The following KCNIP1 variants were observed in gnomAD, a reference collection of about 807,000 sequenced individuals.
KCNIP1 encodes the protein A-type potassium channel modulatory protein KCNIP1.
KCNIP1 carries 18 observed loss-of-function variants against 33.0 expected under a neutral mutation model. That is an observed-to-expected ratio of 0.55 (90% CI 0.38 to 0.81). KCNIP1 has a LOEUF of 0.81. KCNIP1 is among the 30% of genes least tolerant of loss of function. The pLI is 0.00. For synonymous variants in KCNIP1, 93 were observed against 98.3 expected (o/e 0.95, Z 0.32); for missense variants, 238 against 271.6 (o/e 0.88, Z 0.87).
At chr5:170,705,775 T>A (rs956772113) in intron 1 of KCNIP1, among the ~76,000 whole-genome samples, 2 of 152,292 alleles carry the variant, frequency 1.3e-5, no homozygotes, top group African/African-American at 4.8e-5. Context: ...ATTAATTAAC[T>A]AGATCCATCA....
chr5:170,456,685 T>C (rs368002866), intron 1 of KCNIP1, among the ~76,000 whole-genome samples: 12 of 133,652 alleles, frequency 9.0e-5, no homozygotes, highest in Non-Finnish European at 1.3e-4. Flanking sequence ...CTTTCTTTCT[T>C]TCTCTCTCTC....
Position 170,504,296 on chromosome 5 carries a change from G to C in KCNIP1, c.-277G>C. On this transcript the variant is annotated 5_prime_UTR_variant, in exon 1 of 8. Transcript: ENST00000328939. This position sits in a 1 kb window ranked among gnomAD's most constrained non-coding sequence, Gnocchi z 6.0. ...GCTTCAGGGCACCGTCCTCGGCCCT[G>C]GGCGAGGGAACCGCCGGGCCGGGTC... 7.5e-7 allele frequency: 1 copy of C among 1,336,106 alleles called. No homozygotes were observed. The highest frequency in any genetic ancestry group is 1.5e-5 in the African/African-American group (1 of 65,746). 82.8% of individuals were successfully genotyped at this position (1,336,106 alleles called of 1,614,324 possible).
intron 1 of KCNIP1, among the ~76,000 whole-genome samples, chr5:170,412,038 A>T (rs531618809): frequency 6.6e-6 from 1 of 152,228 alleles, no homozygotes; most frequent in Non-Finnish European, 1.5e-5. Context: ...GCCTGCCCAT[A>T]GCAAGTGACG....
At chr5:170,580,257 G>A (rs529104489) in intron 1 of KCNIP1, among the ~76,000 whole-genome samples, 1 of 152,294 alleles carries the variant, frequency 6.6e-6, no homozygotes, top group Non-Finnish European at 1.5e-5. Context: ...TAGAAACACT[G>A]CTGGAAAGTT....
chr5:170,559,468 CA>C (rs1340739137), intron 1 of KCNIP1, among the ~76,000 whole-genome samples: 1 of 152,136 alleles, frequency 6.6e-6, no homozygotes, highest in African/African-American at 2.4e-5. Context: ...GGGATGGGCC[CA>C]CCCTCCCTTT....
chr5:170,611,696 T>TCCTGA (rs1275447357), intron 1 of KCNIP1, among the ~76,000 whole-genome samples: 14 of 152,244 alleles, frequency 9.2e-5, no homozygotes, highest in Admixed American at 5.2e-4. Flanking sequence ...GGTAACCTCT[T>TCCTGA]CCTGACCTAA....
At chr5:170,370,211 A>G (rs7727121) in intron 1 of KCNIP1, among the ~76,000 whole-genome samples, 2,084 of 152,320 alleles carry the variant, frequency 0.014, 19 homozygotes, top group Middle Eastern at 0.054. Flanking sequence ...CAAATCGAAA[A>G]GAATCTGAAT....
At chr5:170,432,527 A>T (rs968995043) in intron 1 of KCNIP1, among the ~76,000 whole-genome samples, 4 of 152,220 alleles carry the variant, frequency 2.6e-5, no homozygotes. Flanking sequence ...GGTGGGGGCT[A>T]TGATACGAGC....
intron 1 of KCNIP1, chr5:170,383,609 G>A (rs1371237506): frequency 6.5e-7 from 1 of 1,549,232 alleles, no homozygotes. Context: ...CGGGGACAGG[G>A]ACAGTTAGGA....
intron 5 of KCNIP1, among the ~76,000 whole-genome samples, chr5:170,731,703 AAAAAAG>A (rs201642299): frequency 0.31 from 44,537 of 141,896 alleles, 7,492 homozygotes; most frequent in Non-Finnish European, 0.42. Flanking sequence ...CAAAAAAAAA[AAAAAAG>A]AAAAAAGAAA....
At chr5:170,522,864 A>G (rs979442602) in intron 1 of KCNIP1, among the ~76,000 whole-genome samples, 2 of 152,242 alleles carry the variant, frequency 1.3e-5, no homozygotes, top group African/African-American at 4.8e-5. Context: ...TTTTCCCTCT[A>G]AAGAGGACCT....
At chr5:170,467,024 GA>G (rs1413515531) in intron 1 of KCNIP1, among the ~76,000 whole-genome samples, 1 of 152,114 alleles carries the variant, frequency 6.6e-6, no homozygotes, top group Non-Finnish European at 1.5e-5. Context: ...TAATAAAACC[GA>G]GACTCAAAAG....
At chr5:170,666,174 T>C (rs1440799689) in intron 1 of KCNIP1, among the ~76,000 whole-genome samples, 1 of 152,236 alleles carries the variant, frequency 6.6e-6, no homozygotes, top group African/African-American at 2.4e-5. Flanking sequence ...TATATTAATA[T>C]GAGCTCATGG....
intron 1 of KCNIP1, among the ~76,000 whole-genome samples, chr5:170,614,151 G>A (rs1367314127): frequency 6.6e-6 from 1 of 152,230 alleles, no homozygotes; most frequent in Non-Finnish European, 1.5e-5. Context: ...CCTGTCCTGG[G>A]AATTGCCCTA....
chr5:170,543,450 G>T (rs1314638139), intron 1 of KCNIP1, among the ~76,000 whole-genome samples: 9 of 152,144 alleles, frequency 5.9e-5, no homozygotes, highest in Admixed American at 3.9e-4. Flanking sequence ...ACAAAATGTA[G>T]GTTTTAGTGT....
At chr5:170,733,988 C>A in intron 7 of KCNIP1, 90 bp downstream of exon 7, 1 of 925,028 alleles carries the variant, frequency 1.1e-6, no homozygotes, top group Non-Finnish European at 1.7e-6. Flanking sequence ...GATGAGAAAC[C>A]TGCACATACC....
chr5:170,637,534 C>T (rs975976245), intron 1 of KCNIP1, among the ~76,000 whole-genome samples: 4 of 152,192 alleles, frequency 2.6e-5, no homozygotes, highest in Non-Finnish European at 5.9e-5. Context: ...TGTCCCTCTG[C>T]TCTATTCCCT....
chr5:170,578,436 C>T (rs1757677133), intron 1 of KCNIP1, among the ~76,000 whole-genome samples: 1 of 152,154 alleles, frequency 6.6e-6, no homozygotes, highest in Non-Finnish European at 1.5e-5. Context: ...TCTCACTGGG[C>T]TGACTGACCT....
intron 1 of KCNIP1, chr5:170,376,023 A>T (rs1763987027): frequency 6.6e-6 from 1 of 152,086 alleles, no homozygotes; most frequent in South Asian, 2.1e-4. Context: ...GTTCAGGAGT[A>T]TCTCATTTTT....
Sources: gnomAD v4.1 joint callset for allele counts (sites outside exome capture counted in the v4.1 genomes callset) on GRCh38, gnomAD v4.1.1 for gene constraint, Gnocchi (gnomAD v3.1) non-coding constraint, MANE v1.5 for transcripts, NCBI Gene and HGNC (gene_info 2026-07-23, HGNC 2026-07-21) for gene names.